The following SYNRG variants were observed in gnomAD, a reference collection of about 807,000 sequenced individuals.
SYNRG encodes AP1 gamma subunit binding protein 1.
In SYNRG, 37 loss-of-function variants were observed where a neutral mutation model predicts 130.9. The observed-to-expected ratio is 0.28, with a 90% CI of 0.22 to 0.37. The LOEUF (loss-of-function observed/expected upper bound fraction) is 0.37. SYNRG is among the 10% of genes least tolerant of loss of function. SYNRG has a pLI of 1.00. For missense variants in SYNRG, 1,338 were observed against 1,588.9 expected (o/e 0.84, Z 2.68); for synonymous variants, 539 against 568.1 (o/e 0.95, Z 0.73).
chr17:37,594,880 A>G (rs1221116308), intron 3 of SYNRG, among the ~76,000 whole-genome samples: 1 of 152,164 alleles, frequency 6.6e-6, no homozygotes, highest in Non-Finnish European at 1.5e-5. Flanking sequence ...TGACTAATAA[A>G]TGCTACCTCC....
intron 8 of SYNRG, among the ~76,000 whole-genome samples, chr17:37,573,418 C>A (rs568042247): frequency 1.8e-4 from 27 of 151,534 alleles, no homozygotes; most frequent in African/African-American, 2.7e-4. Context: ...AACAAACAAA[C>A]AAAAAAAACC....
intron 20 of SYNRG, 90 bp from the exon 21 acceptor site, chr17:37,520,304 C>A: frequency 6.5e-7 from 1 of 1,533,428 alleles, no homozygotes; most frequent in Non-Finnish European, 9.0e-7. Context: ...ACCCTTTTCC[C>A]CTGACCTCCC....
At chr17:37,553,076 TACA>T (rs1332498352) in intron 14 of SYNRG, 36 bp downstream of exon 14, 1 of 1,581,268 alleles carries the variant, frequency 6.3e-7, no homozygotes, top group African/African-American at 1.4e-5. Flanking sequence ...CTTTGAAATC[TACA>T]ACACCATCAC....
In SYNRG at chr17:37,529,948, G is replaced by C. The variant is rs565649497; in HGVS notation, c.3666+6031C>G. The C allele has an allele frequency of 5.2e-5, 57 of 1,092,722 alleles. No homozygotes were observed. The African/African-American group carries it at 8.4e-4, about 16-fold the overall frequency. 67.7% of individuals were successfully genotyped at this position (1,092,722 alleles called of 1,614,324 possible). A position where few individuals can be genotyped will look rare whatever the true frequency, so the allele number is the denominator to read the frequency against. On this transcript the variant is annotated intron_variant, in intron 19 of 21. Transcript: ENST00000612223. ...AAGAACCGATTGCCACCCAAACAAA[G>C]AACCTTAAAATCTAAATGTAAAGAA...
At chr17:37,586,725 A>G (rs2061721557) in intron 3 of SYNRG, among the ~76,000 whole-genome samples, 176 bp from the exon 4 acceptor site, 1 of 152,196 alleles carries the variant, frequency 6.6e-6, no homozygotes, top group Admixed American at 6.5e-5. Flanking sequence ...ACAAAGAAAT[A>G]TATTATATTA....
At chr17:37,563,001 AC>A (rs535647804) in intron 11 of SYNRG, among the ~76,000 whole-genome samples, 49 of 151,814 alleles carry the variant, frequency 3.2e-4, no homozygotes, top group Middle Eastern at 6.8e-3. Flanking sequence ...GGAAAAAAAA[AC>A]AACAACAGAA....
chr17:37,539,075 G>T, intron 17 of SYNRG, 117 bp downstream of exon 17: 1 of 1,518,058 alleles, frequency 6.6e-7, no homozygotes, highest in Non-Finnish European at 8.8e-7. Context: ...TCTTTGCCCA[G>T]GGACATCCAA....
rs2060374793 is a variant in SYNRG, at chr17:37,570,836, G to C, written c.1148C>G (p.Ala383Gly). The part of the protein sequence containing the change: ...SPDALNQFPA[A>G]PIPTLSGFSM... ...AAAGCCACTTAAAGTTGGAATAGGA[G>C]CTGCTGGGAACTGGTTTAAAGCATC... Residue 383 changes from alanine to glycine, a missense_variant, in exon 10 of 22, where the codon GCT becomes GGT. Physicochemically the swap from Ala to Gly is moderately conservative, Grantham distance 60. This residue lies in a region of SYNRG where 1,146 missense variants were observed against 1,342.3 expected (regional missense o/e 0.85). Transcript: ENST00000612223. The C allele has an allele frequency of 4.3e-6, 7 of 1,614,214 alleles. No homozygotes were observed. The South Asian group carries it at 7.7e-5, about 18-fold the overall frequency.
Position 37,540,387 on chromosome 17 carries a change from T to C in SYNRG, c.3359A>G (p.Glu1120Gly). 1 of 1,613,454 alleles carries C rather than the reference T, an allele frequency of 6.2e-7. No individual in the cohort carries two copies. Among genetic ancestry groups the C allele is most frequent in the Non-Finnish European group, 8.5e-7 (1 of 1,179,766 alleles). Residue 1120 changes from glutamate to glycine, a missense_variant, in exon 16 of 22, where the codon GAG becomes GGG. Around this residue, in one of 3 missense-constraint regions of SYNRG, gnomAD observed 1,146 missense variants for 1,342.3 expected, o/e 0.85. Coordinates refer to ENST00000612223, the MANE Select transcript of SYNRG (RefSeq NM_007247.6). ...AGAAAGCTCTCCTCTCACCTCCACCTCTCCCGTCAGGTCTTTGTACTTGTC... is the reference window on the plus strand; with the variant it reads ...AGAAAGCTCTCCTCTCACCTCCACCCCTCCCGTCAGGTCTTTGTACTTGTC... ...IRDKYKDLTG[E>G]VEENERYAYE... is the part of the protein sequence containing the mutation.
intron 11 of SYNRG, among the ~76,000 whole-genome samples, chr17:37,564,307 C>T (rs1279753986): frequency 1.3e-5 from 2 of 152,200 alleles, no homozygotes; most frequent in Non-Finnish European, 2.9e-5. Flanking sequence ...GCTCAACTGC[C>T]ATCTCTCCTT....
intron 14 of SYNRG, among the ~76,000 whole-genome samples, chr17:37,545,546 T>C (rs942014932): frequency 2.6e-5 from 4 of 152,232 alleles, no homozygotes; most frequent in Admixed American, 2.0e-4. Flanking sequence ...AAAACTAAAA[T>C]GACTAATATA....
intron 19 of SYNRG, among the ~76,000 whole-genome samples, chr17:37,523,834 C>T (rs2055465687): frequency 6.6e-6 from 1 of 152,010 alleles, no homozygotes; most frequent in Admixed American, 6.6e-5. Context: ...GAGGGATGCC[C>T]CATGCACTGT....
At chr17:37,570,921 G>A (rs931726577) in intron 9 of SYNRG, 36 bp from the exon 10 acceptor site, 6 of 1,590,108 alleles carry the variant, frequency 3.8e-6, no homozygotes, top group Non-Finnish European at 5.1e-6. Flanking sequence ...TTAGAGGATT[G>A]TAAACCACAT....
Position 37,553,323 on chromosome 17 carries a change from G to C in SYNRG, c.2400C>G (p.Phe800Leu), listed in dbSNP as rs773205580. 2.5e-6 allele frequency: 4 copies of C among 1,614,118 alleles called. No individual in the cohort carries two copies. The African/African-American group carries it at 5.3e-5, about 22-fold the overall frequency. Residue 800 changes from phenylalanine to leucine, a missense_variant, in exon 14 of 22, where the codon TTC becomes TTG. Coordinates refer to ENST00000612223, the MANE Select transcript of SYNRG (RefSeq NM_007247.6). Reference sequence around the variant, plus strand: ...ATGCAGAGTCTTCTTTGGTGTGTCTGAAAGCCACTGCTTTCTCTCCCAGGG... The same window carrying C: ...ATGCAGAGTCTTCTTTGGTGTGTCTCAAAGCCACTGCTTTCTCTCCCAGGG... Reference protein sequence around the residue: ...DKSLGEKAVAFRHTKEDSASV... With the variant: ...DKSLGEKAVALRHTKEDSASV...
rs199969739 is a variant in SYNRG at position 37,584,673 on chromosome 17, A to C, written c.564T>G (p.Thr188=). The change falls in exon 6 of 22, where the codon ACT becomes ACG. Residue 188 remains threonine (T), a synonymous_variant. Transcript: ENST00000612223. The part of the protein sequence containing the change: ...GFSRDAKMHP[T]PASHPKKPGP... The stretch of plus-strand genomic sequence containing the variant: ...CTGGTTTCTTGGGGTGCGATGCTGG[A>C]GTAGGGTGCATTTTTGCATCTCTGG... The C allele has an allele frequency of 2.5e-6, 4 of 1,613,944 alleles. No homozygotes were observed. In the African/African-American group the frequency reaches 5.3e-5, roughly 22 times the overall value.
intron 6 of SYNRG, 36 bp downstream of exon 6, chr17:37,584,612 C>T (rs2061560888): frequency 6.4e-7 from 1 of 1,563,432 alleles, no homozygotes; most frequent in Admixed American, 1.7e-5. Context: ...AAATCACCTT[C>T]CCAGAAAAGA....
intron 16 of SYNRG, 26 bp downstream of exon 16, chr17:37,540,353 AC>A (rs767621117): frequency 6.2e-7 from 1 of 1,609,730 alleles, no homozygotes; most frequent in Non-Finnish European, 8.5e-7. Context: ...TCTGTTACCC[AC>A]CCCTTGTAGA....
At chr17:37,592,393 T>TA (rs1279529817) in intron 3 of SYNRG, among the ~76,000 whole-genome samples, 2 of 152,170 alleles carry the variant, frequency 1.3e-5, no homozygotes, top group South Asian at 2.1e-4. Flanking sequence ...GGCAGCATCT[T>TA]AAAAAACTGA....
At chr17:37,529,730 A>G (rs1185156187) in intron 19 of SYNRG, 2 of 1,518,784 alleles carry the variant, frequency 1.3e-6, no homozygotes, top group African/African-American at 2.8e-5. Flanking sequence ...CTCCCCACTT[A>G]TCCTTTCCCC....
Sources: allele counts gnomAD v4.1 joint callset (sites outside exome capture counted in the v4.1 genomes callset), GRCh38; gene constraint gnomAD v4.1.1; regional missense constraint gnomAD v4.1.1; transcripts MANE v1.5; gene names NCBI Gene and HGNC (gene_info 2026-07-23, HGNC 2026-07-21).